The following GSE1 variants were observed in gnomAD, a reference collection of about 807,000 sequenced individuals.
The protein encoded by GSE1 is Gse1 coiled-coil protein, also known as genetic suppressor element 1.
Under a neutral mutation model 112.6 loss-of-function variants are expected in GSE1, and 32 were observed. The ratio of observed to expected loss-of-function variants is 0.28; its 90% CI spans 0.21 to 0.38. The LOEUF (loss-of-function observed/expected upper bound fraction) is 0.38. GSE1 is among the 10% of genes least tolerant of loss of function. GSE1 has a pLI of 1.00. For synonymous variants in GSE1, 1,115 were observed against 735.6 expected (o/e 1.52, Z -8.35); for missense variants, 2,348 against 1,699.2 (o/e 1.38, Z -6.71).
At chr16:85,457,459 T>C (rs1048619464) in intron 2 of GSE1, among the ~76,000 whole-genome samples, 3 of 152,206 alleles carry the variant, frequency 2.0e-5, no homozygotes, top group African/African-American at 7.2e-5. Flanking sequence ...TCATCCTGGG[T>C]TTCTCTGTCC....
At chr16:85,636,431 C>A (rs1377146571) in intron 2 of GSE1, among the ~76,000 whole-genome samples, 1 of 152,200 alleles carries the variant, frequency 6.6e-6, no homozygotes, top group Non-Finnish European at 1.5e-5. Context: ...GCTGGTCACC[C>A]CTGTCAGGCC....
chr16:85,404,103 G>A (rs73259349), intron 2 of GSE1, among the ~76,000 whole-genome samples: 11,606 of 82,238 alleles, frequency 0.14, 947 homozygotes, highest in African/African-American at 0.19. Context: ...GGGCCCCCCC[G>A]GATAATCCTC....
chr16:85,260,309 TTTTTCTTTTC>T (rs1354860703), intron 1 of GSE1, among the ~76,000 whole-genome samples: 1 of 141,570 alleles, frequency 7.1e-6, no homozygotes, highest in East Asian at 2.0e-4. Context: ...TTCCTTTTTC[TTTTTCTTTTC>T]TTTTTTTTTT....
chr16:85,668,524 C>G (rs766124549), intron 14 of GSE1, 100 bp downstream of exon 14: 48 of 794,750 alleles, frequency 6.0e-5, no homozygotes, highest in Non-Finnish European at 9.2e-5. Context: ...AGCCTGGGGA[C>G]TGTTTCTCCG....
intron 2 of GSE1, among the ~76,000 whole-genome samples, chr16:85,523,314 G>A (rs776162557): frequency 4.6e-5 from 7 of 151,840 alleles, no homozygotes; most frequent in Non-Finnish European, 8.8e-5. Context: ...GTGGTTGTGC[G>A]TGCCCTGTGT....
At chr16:85,550,576 G>A (rs1001959024) in intron 2 of GSE1, among the ~76,000 whole-genome samples, 3 of 151,304 alleles carry the variant, frequency 2.0e-5, no homozygotes, top group Non-Finnish European at 4.4e-5. Context: ...TCTCTCCAGA[G>A]GGGGGGGTTG....
chr16:85,410,983 C>A (rs1226778410), intron 2 of GSE1, among the ~76,000 whole-genome samples: 2 of 106,990 alleles, frequency 1.9e-5, no homozygotes, highest in Non-Finnish European at 3.6e-5. Context: ...ACTCAGGGCC[C>A]CCCGGATAAT....
At chr16:85,596,873 T>TA (rs1292287160) in intron 1 of GSE1, among the ~76,000 whole-genome samples, 1 of 152,118 alleles carries the variant, frequency 6.6e-6, no homozygotes, top group African/African-American at 2.4e-5. Flanking sequence ...CTGTCTCTAC[T>TA]AAAAATACAA....
At chr16:85,635,113 G>C (rs138498255) in intron 2 of GSE1, among the ~76,000 whole-genome samples, 1 of 152,164 alleles carries the variant, frequency 6.6e-6, no homozygotes, top group African/African-American at 2.4e-5. Context: ...TTGGCAGAGG[G>C]GACACCTGCC....
chr16:85,195,007 G>A (rs2074899727), intron 1 of GSE1, among the ~76,000 whole-genome samples: 1 of 152,028 alleles, frequency 6.6e-6, no homozygotes, highest in African/African-American at 2.4e-5. Context: ...CCCGGTACAG[G>A]AATCACTCAG....
rs774524238 is a variant in GSE1, at chr16:85,673,275, A to G, written c.*736A>G. 3 of 152,556 alleles carry G rather than the reference A, an allele frequency of 2.0e-5. No individual in the cohort carries two copies. The highest frequency in any genetic ancestry group is 4.4e-5 in the Non-Finnish European group (3 of 68,034). 9.5% of individuals were successfully genotyped at this position (152,556 alleles called of 1,614,324 possible). On this transcript the variant is annotated 3_prime_UTR_variant, in exon 16 of 16. Transcript: ENST00000253458. ...TTACTACAGTGGGTTGGGTTTTCATACAGACGTAAATTTTGAGAGAAAAGT... is the reference window on the plus strand; with the variant it reads ...TTACTACAGTGGGTTGGGTTTTCATGCAGACGTAAATTTTGAGAGAAAAGT...
chr16:85,274,049 G>A (rs907099926), intron 1 of GSE1, among the ~76,000 whole-genome samples: 1 of 151,490 alleles, frequency 6.6e-6, no homozygotes, highest in Non-Finnish European at 1.5e-5. Flanking sequence ...AGAGGTAGTG[G>A]CTGCACAACA....
intron 1 of GSE1, among the ~76,000 whole-genome samples, chr16:85,299,403 A>G (rs1203597034): frequency 6.6e-6 from 1 of 151,306 alleles, no homozygotes; most frequent in Non-Finnish European, 1.5e-5. Context: ...ATCCTCTCCA[A>G]CCCCCCTGCC....
At chr16:85,188,820 A>C (rs572929440) in intron 1 of GSE1, among the ~76,000 whole-genome samples, 9 of 127,032 alleles carry the variant, frequency 7.1e-5, no homozygotes, top group African/African-American at 2.1e-4. Context: ...AAAAAAAAAA[A>C]CAAAACAAAA....
Position 85,648,546 on chromosome 16 carries a change from C to A in GSE1, c.227-6C>A, listed in dbSNP as rs761640820. 2 of 1,514,130 alleles carry A rather than the reference C, an allele frequency of 1.3e-6. No individual in the cohort carries two copies. The allele number at this position is 1,514,130 out of a possible 1,614,324, so 93.8% of individuals were successfully genotyped here. ...CCCACTCAGGCCACCGTCTTCTCCT[C>A]CACAGGGTCCTCACTGAGCAGCGAG... On this transcript the variant is annotated splice_region_variant and splice_polypyrimidine_tract_variant and intron_variant, in intron 2 of 15. Transcript: ENST00000253458.
At position 85,584,931 on chromosome 16, in the gene GSE1, G is replaced by A. The variant is rs189273521; in HGVS notation, c.37+28568G>A. Among the ~76,000 whole-genome samples the A allele has an allele frequency of 1.2e-3, 178 of 152,184 alleles. 5 individuals are homozygous for A. In the East Asian group the frequency reaches 0.028, roughly 24 times the overall value. ...CAGCCCCATCCACAACCTCCAAGGA[G>A]GCAAACCGTGGGGCCACGTGGCCCG... On this transcript the variant is annotated intron_variant, in intron 1 of 2. Coordinates refer to the GSE1 transcript ENST00000635906.
At chr16:85,611,410 C>G (rs563224376), upstream of GSE1, 50 of 959,358 alleles carry the variant, frequency 5.2e-5, no homozygotes, top group African/African-American at 8.7e-4. Flanking sequence ...GGCCGAGCCA[C>G]CGTGTGGTGC....
chr16:85,620,994 C>G (rs992621552), intron 1 of GSE1, among the ~76,000 whole-genome samples: 28 of 150,856 alleles, frequency 1.9e-4, no homozygotes, highest in Non-Finnish European at 4.4e-5. Context: ...CCCGGGGTCT[C>G]TGCTGTGTTG....
chr16:85,518,814 C>T lies in GSE1; in HGVS notation c.2465-115100C>T, dbSNP rs559214424. ...AGGACCTATCCTTACGCAAGACTGA[C>T]ACCTGGCACTGTGAGATACCCACGC... On this transcript the variant is annotated intron_variant, in intron 2 of 2. Transcript: ENST00000637419. Among the ~76,000 whole-genome samples, 8 of 152,242 alleles carry T rather than the reference C, an allele frequency of 5.3e-5. No individual in the cohort carries two copies. The South Asian group carries it at 1.4e-3, about 28-fold the overall frequency.
Sources: gnomAD v4.1 joint callset for allele counts (sites outside exome capture counted in the v4.1 genomes callset) on GRCh38, gnomAD v4.1.1 for gene constraint, MANE v1.5 for transcripts, NCBI Gene and HGNC (gene_info 2026-07-23, HGNC 2026-07-21) for gene names.